The following ADAMTSL3 variants were observed in gnomAD, a reference collection of about 807,000 sequenced individuals.
ADAMTSL3 encodes the protein ADAMTS-like protein 3.
Under a neutral mutation model 201.7 loss-of-function variants are expected in ADAMTSL3, and 128 were observed. That is an observed-to-expected ratio of 0.63 (90% CI 0.55 to 0.73). ADAMTSL3 has a LOEUF of 0.73. Ranked by LOEUF, ADAMTSL3 falls within the 30% of genes least tolerant of loss-of-function variation. The pLI is 0.00. For synonymous variants in ADAMTSL3, 738 were observed against 748.4 expected, an observed-to-expected ratio of 0.99 and a Z score of 0.23; for missense variants, 1,990 against 2,119.6, an observed-to-expected ratio of 0.94 and a Z score of 1.20.
intron 22 of ADAMTSL3, among the ~76,000 whole-genome samples, chr15:83,990,876 A>C (rs539258814): frequency 2.0e-5 from 3 of 152,062 alleles, no homozygotes; most frequent in Non-Finnish European, 4.4e-5. Flanking sequence ...TCATCGAACC[A>C]TCTATCCATT....
At chr15:84,011,258 GA>G (rs1373065662) in intron 23 of ADAMTSL3, among the ~76,000 whole-genome samples, 2 of 152,134 alleles carry the variant, frequency 1.3e-5, no homozygotes, top group African/African-American at 4.8e-5. Flanking sequence ...CAAAGACTGA[GA>G]AATTTTCTTG....
intron 7 of ADAMTSL3, among the ~76,000 whole-genome samples, chr15:83,855,211 T>C (rs2064705538): frequency 6.6e-6 from 1 of 152,202 alleles, no homozygotes; most frequent in Non-Finnish European, 1.5e-5. Context: ...CACAAAGCTC[T>C]GGCATACGCA....
chr15:83,656,393 T>G (rs1249278704), intron 2 of ADAMTSL3, among the ~76,000 whole-genome samples: 1 of 152,066 alleles, frequency 6.6e-6, no homozygotes, highest in Non-Finnish European at 1.5e-5. Context: ...TAAGAGACAA[T>G]AGAGAGTAAC....
At chr15:83,727,217 G>C (rs8032414) in intron 3 of ADAMTSL3, among the ~76,000 whole-genome samples, 2 of 151,586 alleles carry the variant, frequency 1.3e-5, no homozygotes, top group East Asian at 1.9e-4. Context: ...TTATCCTTCA[G>C]ATTTCTTTGG....
chr15:83,793,078 A>G (rs1027958852), intron 4 of ADAMTSL3, among the ~76,000 whole-genome samples: 9 of 152,228 alleles, frequency 5.9e-5, no homozygotes, highest in African/African-American at 2.2e-4. Flanking sequence ...GACGTAAGTC[A>G]GGCACAGGAA....
At chr15:83,814,779 GGA>G (rs1460639688) in intron 5 of ADAMTSL3, among the ~76,000 whole-genome samples, 1 of 152,152 alleles carries the variant, frequency 6.6e-6, no homozygotes, top group East Asian at 1.9e-4. Context: ...CTGGTTATTG[GGA>G]GAGGGGATTG....
At chr15:83,773,790 C>T (rs1048987895) in intron 4 of ADAMTSL3, 140 bp downstream of exon 4, 289 of 1,225,966 alleles carry the variant, frequency 2.4e-4, no homozygotes, top group Non-Finnish European at 3.0e-4. Flanking sequence ...TATTAGTCAA[C>T]CTAGGTTAAC....
chr15:84,025,178 C>T (rs898628469), intron 26 of ADAMTSL3, 60 bp from the exon 27 acceptor site: 35 of 1,439,494 alleles, frequency 2.4e-5, no homozygotes, highest in Non-Finnish European at 2.9e-5. Context: ...TTTGATGAGA[C>T]GCCCCCTCTA....
chr15:83,673,459 G>A (rs930406843), intron 2 of ADAMTSL3, among the ~76,000 whole-genome samples: 1 of 152,182 alleles, frequency 6.6e-6, no homozygotes, highest in African/African-American at 2.4e-5. Context: ...TGGTGTCTCA[G>A]TCTGTTGGCA....
chr15:83,661,647 T>C (rs920030743), intron 2 of ADAMTSL3, among the ~76,000 whole-genome samples: 2 of 152,230 alleles, frequency 1.3e-5, no homozygotes, highest in Non-Finnish European at 2.9e-5. Context: ...CCTGAGACTT[T>C]GCTGAAGTTG....
chr15:83,729,129 A>G (rs1440475833), intron 3 of ADAMTSL3, among the ~76,000 whole-genome samples: 3 of 152,064 alleles, frequency 2.0e-5, no homozygotes, highest in Non-Finnish European at 4.4e-5. Context: ...TGCCAGATAT[A>G]TTGGGGCTCC....
chr15:83,806,403 G>A (rs2141869812), intron 5 of ADAMTSL3, among the ~76,000 whole-genome samples: 1 of 152,320 alleles, frequency 6.6e-6, no homozygotes, highest in East Asian at 1.9e-4. Flanking sequence ...ATGAAACTGT[G>A]TGTAGACCCA....
At chr15:83,970,341 T>A (rs1386593596) in intron 19 of ADAMTSL3, 143 bp from the exon 20 acceptor site, 1 of 838,490 alleles carries the variant, frequency 1.2e-6, no homozygotes, top group Non-Finnish European at 1.9e-6. Context: ...ACATAAAAGA[T>A]GTTCAAGCCT....
At chr15:83,892,040 C>A (rs1284989266) in intron 12 of ADAMTSL3, among the ~76,000 whole-genome samples, 2 of 150,886 alleles carry the variant, frequency 1.3e-5, no homozygotes, top group African/African-American at 2.4e-5. Context: ...CATGGCGAAA[C>A]CCCATCTCTA....
At chr15:83,664,020 T>C (rs1016355) in intron 2 of ADAMTSL3, among the ~76,000 whole-genome samples, 55,877 of 151,994 alleles carry the variant, frequency 0.37, 10,526 homozygotes, top group South Asian at 0.58. Flanking sequence ...TCCCTCCACA[T>C]GCTCTCCCAG....
At chr15:83,930,891 C>T (rs1341189881) in intron 17 of ADAMTSL3, among the ~76,000 whole-genome samples, 3 of 152,178 alleles carry the variant, frequency 2.0e-5, no homozygotes, top group African/African-American at 7.2e-5. Flanking sequence ...TTTACTGACT[C>T]CAAGGGCAAT....
chr15:83,794,911 G>A (rs928205362), intron 4 of ADAMTSL3, among the ~76,000 whole-genome samples: 22 of 151,978 alleles, frequency 1.4e-4, no homozygotes, highest in East Asian at 1.2e-3. Context: ...TGAGTACAGC[G>A]GCACAATCTC....
At chr15:83,670,585 C>G (rs2061318516) in intron 2 of ADAMTSL3, among the ~76,000 whole-genome samples, 1 of 152,102 alleles carries the variant, frequency 6.6e-6, no homozygotes, top group Non-Finnish European at 1.5e-5. Flanking sequence ...TTTTTCTTTT[C>G]CATTCTATTT....
chr15:84,009,422 T>C (rs2067964968), intron 23 of ADAMTSL3, among the ~76,000 whole-genome samples: 1 of 152,190 alleles, frequency 6.6e-6, no homozygotes, highest in African/African-American at 2.4e-5. Context: ...AAACCAATTA[T>C]AATAAAAATA....
Sources: allele counts gnomAD v4.1 joint callset (sites outside exome capture counted in the v4.1 genomes callset), GRCh38; gene constraint gnomAD v4.1.1; transcripts MANE v1.5; gene names NCBI Gene and HGNC (gene_info 2026-07-23, HGNC 2026-07-21).